The following RUNX2 variants were observed in gnomAD, a reference collection of about 807,000 sequenced individuals.
RUNX2 encodes RUNX family transcription factor 2.
RUNX2 carries 10 observed loss-of-function variants against 51.7 expected under a neutral mutation model. That is an observed-to-expected ratio of 0.19 (90% CI 0.12 to 0.33). The LOEUF is 0.33. RUNX2 is among the 10% of genes least tolerant of loss of function. The pLI, the probability that RUNX2 is intolerant of heterozygous loss-of-function variation, is 1.00. For missense variants in RUNX2, 562 were observed against 691.3 expected (o/e 0.81, Z 2.10); for synonymous variants, 276 against 273.6 (o/e 1.01, Z -0.09).
chr6:45,437,343 A>T (rs181647091), intron 4 of RUNX2, among the ~76,000 whole-genome samples: 1 of 152,232 alleles, frequency 6.6e-6, no homozygotes, highest in Admixed American at 6.5e-5. Flanking sequence ...GTGGACAGGG[A>T]GGAGAAAAAC....
chr6:45,337,355 G>A (rs1332062862), intron 2 of RUNX2, among the ~76,000 whole-genome samples: 4 of 151,378 alleles, frequency 2.6e-5, no homozygotes, highest in Non-Finnish European at 5.9e-5. Flanking sequence ...TATCAATTAT[G>A]GTGTATCTCC....
intron 2 of RUNX2, among the ~76,000 whole-genome samples, chr6:45,347,809 T>C (rs575364514): frequency 2.6e-5 from 4 of 152,218 alleles, no homozygotes; most frequent in South Asian, 2.1e-4. Context: ...TGTTTGTCTA[T>C]TTATCAGAGA....
intron 2 of RUNX2, among the ~76,000 whole-genome samples, chr6:45,391,073 G>GA (rs1371040549): frequency 3.3e-5 from 5 of 152,230 alleles, no homozygotes; most frequent in African/African-American, 9.6e-5. Context: ...AGTCTAACCG[G>GA]AAAAAATGGA....
chr6:45,404,259 C>CAAAAA (rs34529128), intron 2 of RUNX2, among the ~76,000 whole-genome samples: 1 of 27,606 alleles, frequency 3.6e-5, no homozygotes, highest in Admixed American at 4.7e-4. Context: ...GACTCTGTCT[C>CAAAAA]AAAAAAAAAA....
intron 2 of RUNX2, among the ~76,000 whole-genome samples, chr6:45,378,280 G>T (rs754277981): frequency 4.6e-5 from 7 of 152,252 alleles, no homozygotes; most frequent in Non-Finnish European, 1.0e-4. Context: ...GCCCGAGAGG[G>T]CTAGGATTTT....
chr6:45,503,347 A>G (rs760946891), intron 6 of RUNX2, among the ~76,000 whole-genome samples: 3 of 152,162 alleles, frequency 2.0e-5, no homozygotes, highest in Non-Finnish European at 4.4e-5. Context: ...TACCTGATAC[A>G]TATTTTTTTG....
intron 6 of RUNX2, among the ~76,000 whole-genome samples, chr6:45,498,778 T>C (rs1331558228): frequency 6.6e-6 from 1 of 152,214 alleles, no homozygotes; most frequent in Non-Finnish European, 1.5e-5. Context: ...AGGCTGTGTA[T>C]ATGTTTGGCT....
chr6:45,512,112 A>C, intron 6 of RUNX2, 134 bp from the exon 7 acceptor site: 2 of 721,152 alleles, frequency 2.8e-6, no homozygotes, highest in East Asian at 5.5e-5. Flanking sequence ...GCCATTCCTT[A>C]TATATTATAT....
chr6:45,393,469 A>G (rs1797515575), intron 2 of RUNX2, among the ~76,000 whole-genome samples: 1 of 151,930 alleles, frequency 6.6e-6, no homozygotes, highest in Non-Finnish European at 1.5e-5. Context: ...CTCGCTGCAT[A>G]GCCCAGGCTG....
intron 2 of RUNX2, among the ~76,000 whole-genome samples, chr6:45,405,018 T>C (rs952334619): frequency 6.6e-6 from 1 of 152,268 alleles, no homozygotes; most frequent in African/African-American, 2.4e-5. Flanking sequence ...TCTGCTTTGA[T>C]GAAAGCATTA....
intron 2 of RUNX2, among the ~76,000 whole-genome samples, chr6:45,339,507 CCTT>C (rs1422712135): frequency 1.3e-4 from 20 of 152,068 alleles, no homozygotes; most frequent in Non-Finnish European, 2.8e-4. Context: ...TTCTTTCCTT[CCTT>C]TTCTTCCAAT....
intron 5 of RUNX2, among the ~76,000 whole-genome samples, chr6:45,455,112 G>T (rs1016888279): frequency 2.0e-5 from 3 of 151,764 alleles, no homozygotes; most frequent in East Asian, 3.9e-4. Context: ...ACTTTGGGAA[G>T]AAAAAAAAGA....
intron 5 of RUNX2, among the ~76,000 whole-genome samples, chr6:45,461,889 T>A (rs1303196124): frequency 6.6e-6 from 1 of 152,190 alleles, no homozygotes; most frequent in Non-Finnish European, 1.5e-5. Context: ...GCAACTTTTT[T>A]TTAAATGTGA....
chr6:45,353,630 G>A (rs1173616998), intron 2 of RUNX2, among the ~76,000 whole-genome samples: 1 of 151,668 alleles, frequency 6.6e-6, no homozygotes, highest in Non-Finnish European at 1.5e-5. Flanking sequence ...ACAAAACAAT[G>A]GATTAAATAT....
At chr6:45,525,367 G>A (rs1159330491) in intron 7 of RUNX2, among the ~76,000 whole-genome samples, 1 of 152,172 alleles carries the variant, frequency 6.6e-6, no homozygotes, top group African/African-American at 2.4e-5. Context: ...CAATAAAATT[G>A]TGCTGAATTG....
intron 5 of RUNX2, among the ~76,000 whole-genome samples, chr6:45,445,261 T>C (rs1300439043): frequency 2.0e-5 from 3 of 152,090 alleles, no homozygotes; most frequent in Non-Finnish European, 4.4e-5. Context: ...CCTGACCTGG[T>C]GATTCACCCG....
chr6:45,469,750 G>C (rs1799742841), intron 5 of RUNX2, among the ~76,000 whole-genome samples: 1 of 152,168 alleles, frequency 6.6e-6, no homozygotes, highest in African/African-American at 2.4e-5. Context: ...CTAACACATA[G>C]AGTCTAAAGA....
At chr6:45,519,818 G>A (rs1801446462) in intron 7 of RUNX2, among the ~76,000 whole-genome samples, 1 of 146,786 alleles carries the variant, frequency 6.8e-6, no homozygotes, top group African/African-American at 2.5e-5. Flanking sequence ...GTGTGTGTGT[G>A]TGTGTGTGTG....
At chr6:45,393,605 T>C (rs1379890273) in intron 2 of RUNX2, among the ~76,000 whole-genome samples, 4 of 152,040 alleles carry the variant, frequency 2.6e-5, no homozygotes, top group African/African-American at 9.7e-5. Context: ...ATTTTTCGTA[T>C]TTTTAGTAGA....
Sources: gnomAD v4.1 joint callset for allele counts (sites outside exome capture counted in the v4.1 genomes callset) on GRCh38, gnomAD v4.1.1 for gene constraint, MANE v1.5 for transcripts, NCBI Gene and HGNC (gene_info 2026-07-23, HGNC 2026-07-21) for gene names.